Variants in SLC22A25 observed in about 807,000 individuals in gnomAD.
SLC22A25 encodes the protein solute carrier family 22 member 25.
A neutral mutation model predicts 45.9 loss-of-function variants in SLC22A25; 44 were observed. That is an observed-to-expected ratio of 0.96 (90% CI 0.75 to 1.23). The LOEUF (loss-of-function observed/expected upper bound fraction) is 1.23, where lower values mean the gene tolerates loss of function less well. Among genes scored for constraint, SLC22A25 ranks in the 50% most tolerant of loss-of-function variants. The pLI is 0.00. For synonymous variants in SLC22A25, 283 were observed against 238.6 expected (o/e 1.19, Z -1.72); for missense variants, 800 against 666.4 (o/e 1.20, Z -2.21).
At chr11:63,218,746 T>G (rs2089782853) in intron 5 of SLC22A25, among the ~76,000 whole-genome samples, 1 of 151,952 alleles carries the variant, frequency 6.6e-6, no homozygotes, top group Non-Finnish European at 1.5e-5. Context: ...GTTAAAAAAA[T>G]AAAAAGGAAA....
intron 7 of SLC22A25, among the ~76,000 whole-genome samples, chr11:63,201,531 G>A (rs936839986): frequency 1.3e-5 from 2 of 152,004 alleles, no homozygotes; most frequent in Non-Finnish European, 2.9e-5. Flanking sequence ...AAACTTAAAC[G>A]TAAAATCCCA....
At chr11:63,167,281 TTC>T in intron 9 of SLC22A25, 1 of 153,232 alleles carries the variant, frequency 6.5e-6, no homozygotes, top group Non-Finnish European at 1.5e-5. Context: ...TTTTTTTTTT[TTC>T]CCCCAGTGGG....
chr11:63,215,333 C>G (rs1029972393), intron 7 of SLC22A25, among the ~76,000 whole-genome samples: 2 of 152,108 alleles, frequency 1.3e-5, no homozygotes, highest in Non-Finnish European at 2.9e-5. Context: ...AATACAGGAA[C>G]AGAAAACCAA....
chr11:63,184,376 C>T (rs182884599), intron 7 of SLC22A25, among the ~76,000 whole-genome samples: 1 of 152,146 alleles, frequency 6.6e-6, no homozygotes. Flanking sequence ...AATGGATGAG[C>T]CTGACAAGGA....
At chr11:63,235,087 C>T (rs571694331) in intron 3 of SLC22A25, among the ~76,000 whole-genome samples, 2 of 152,208 alleles carry the variant, frequency 1.3e-5, no homozygotes, top group South Asian at 2.1e-4. Flanking sequence ...TTCATTTCTT[C>T]GTTTCAACTT....
intron 3 of SLC22A25, among the ~76,000 whole-genome samples, 150 bp from the exon 4 acceptor site, chr11:63,230,246 T>C (rs771142361): frequency 1.3e-5 from 2 of 152,248 alleles, no homozygotes; most frequent in Non-Finnish European, 2.9e-5. Flanking sequence ...TGCCAAAGCA[T>C]ACCACAAACT....
chr11:63,176,828 T>C (rs777494386), intron 9 of SLC22A25, among the ~76,000 whole-genome samples: 2 of 152,094 alleles, frequency 1.3e-5, no homozygotes, highest in Non-Finnish European at 2.9e-5. Context: ...GGACTTCTCA[T>C]AGTTTCCTTT....
At chr11:63,216,270 G>A (rs1443370523) in intron 7 of SLC22A25, among the ~76,000 whole-genome samples, 4 of 152,160 alleles carry the variant, frequency 2.6e-5, no homozygotes, top group Non-Finnish European at 4.4e-5. Flanking sequence ...TTACACTGTT[G>A]GTGGGAGTGT....
At chr11:63,178,951 A>G (rs536890772) in intron 9 of SLC22A25, among the ~76,000 whole-genome samples, 1 of 149,274 alleles carries the variant, frequency 6.7e-6, no homozygotes, top group Admixed American at 6.8e-5. Context: ...TTTAGGTCTT[A>G]CATTTAAGTC....
In SLC22A25 at chr11:63,163,966, T is replaced by C. The variant is rs1032791207; in HGVS notation, c.1502A>G (p.Tyr501Cys). ...IYSRPLPWII[Y>C]GVFAILSGLV... is the part of the protein sequence containing the mutation. The stretch of plus-strand genomic sequence containing the variant: ...GCCAGAGAGGATGGCAAAGACTCCA[T>C]AGATGATCCAGGGCAGGGGTCGAGA... Residue 501 changes from tyrosine to cysteine, a missense_variant, in exon 12 of 12, where the codon TAT becomes TGT. By Grantham distance (194) the Tyr-to-Cys change is radical. Transcript: ENST00000306494. The C allele has an allele frequency of 1.2e-5, 19 of 1,613,766 alleles. No individual in the cohort carries two copies. The highest frequency in any genetic ancestry group is 1.6e-5 in the Non-Finnish European group (19 of 1,179,908).
chr11:63,241,665 C>T (rs1456336014), intron 1 of SLC22A25, among the ~76,000 whole-genome samples: 1 of 152,046 alleles, frequency 6.6e-6, no homozygotes, highest in East Asian at 1.9e-4. Context: ...TATCAAGGCC[C>T]CCAGAGGGAA....
chr11:63,165,897 A>AT (rs1300959130), intron 10 of SLC22A25, 147 bp downstream of exon 10: 2 of 1,045,056 alleles, frequency 1.9e-6, no homozygotes, highest in Non-Finnish European at 2.7e-6. Flanking sequence ...GTGTGGCAAA[A>AT]TCTGTCCTAA....
At position 63,233,304 on chromosome 11, in the gene SLC22A25, A is replaced by G. The variant is rs139478140; in HGVS notation, c.-444-3208T>C. Reference sequence around the variant, plus strand: ...TGGTAAGCTATAAATTATTGCCTCAATTTCAGAGCCTGTTATTCAGGCTAT... The same window carrying G: ...TGGTAAGCTATAAATTATTGCCTCAGTTTCAGAGCCTGTTATTCAGGCTAT... On this transcript the variant is annotated intron_variant, in intron 3 of 11. Coordinates refer to ENST00000306494, the MANE Select transcript of SLC22A25 (RefSeq NM_199352.6). Among the ~76,000 whole-genome samples, 921 of 152,230 alleles carry G rather than the reference A, an allele frequency of 6.1e-3. 12 individuals carry two copies. Among genetic ancestry groups the G allele is most frequent in the African/African-American group, 0.02 (842 of 41,532 alleles).
chr11:63,232,337 G>T (rs1031565300), intron 3 of SLC22A25, among the ~76,000 whole-genome samples: 13 of 152,096 alleles, frequency 8.5e-5, no homozygotes, highest in African/African-American at 2.9e-4. Context: ...TCTCCTTGAA[G>T]AGGTCCTTCA....
chr11:63,171,641 G>C (rs1377737981), intron 9 of SLC22A25, among the ~76,000 whole-genome samples: 1 of 152,106 alleles, frequency 6.6e-6, no homozygotes, highest in Non-Finnish European at 1.5e-5. Flanking sequence ...ACAAACCACT[G>C]CACAAGGAAA....
intron 7 of SLC22A25, among the ~76,000 whole-genome samples, chr11:63,213,784 G>A (rs1193645): frequency 0.46 from 70,302 of 151,964 alleles, 17,900 homozygotes; most frequent in Non-Finnish European, 0.57. Context: ...TTCTCGAGCC[G>A]GGAAGATCTC....
At chr11:63,176,885 GTTCT>G (rs1395452105) in intron 9 of SLC22A25, among the ~76,000 whole-genome samples, 1 of 151,898 alleles carries the variant, frequency 6.6e-6, no homozygotes, top group Non-Finnish European at 1.5e-5. Context: ...GCTCATTAGG[GTTCT>G]TTGTTTAAAC....
chr11:63,165,515 G>T (rs1225070645), intron 10 of SLC22A25, among the ~76,000 whole-genome samples: 1 of 152,172 alleles, frequency 6.6e-6, no homozygotes, highest in Non-Finnish European at 1.5e-5. Flanking sequence ...TGTACATAAA[G>T]ATACGGGACT....
At position 63,160,848 on chromosome 11, in the gene SLC22A25, T is replaced by C. The variant is rs1008334218; in HGVS notation, c.*2976A>G. Among the ~76,000 whole-genome samples, 2 of 152,162 alleles carry C rather than the reference T, an allele frequency of 1.3e-5. No individual in the cohort carries two copies. The highest frequency in any genetic ancestry group is 1.5e-5 in the Non-Finnish European group (1 of 68,022). ...GACATGCAGTCAAAGGAGATAACTT[T>C]GGAGCTTTAAGATTGGACTTCCCTG... On this transcript the variant is annotated 3_prime_UTR_variant, in exon 12 of 12. Coordinates refer to ENST00000306494, the MANE Select transcript of SLC22A25 (RefSeq NM_199352.6).
Sources: gnomAD v4.1 joint callset for allele counts (sites outside exome capture counted in the v4.1 genomes callset) on GRCh38, gnomAD v4.1.1 for gene constraint, MANE v1.5 for transcripts, NCBI Gene and HGNC (gene_info 2026-07-23, HGNC 2026-07-21) for gene names.